L3MBTL4: variants seen among roughly 807,000 people sequenced by gnomAD.
The protein encoded by L3MBTL4 is lethal(3)malignant brain tumor-like protein 4.
In L3MBTL4, 70 loss-of-function variants were observed where a neutral mutation model predicts 84.5. The ratio of observed to expected loss-of-function variants is 0.83; its 90% CI spans 0.68 to 1.01. L3MBTL4 has a LOEUF of 1.01. Ranked by LOEUF, L3MBTL4 falls within the 50% of genes least tolerant of loss-of-function variation. The probability of loss-of-function intolerance (pLI) is 0.00; values close to 1 mark genes in which losing one functional copy is unlikely to be tolerated. For missense variants in L3MBTL4, 715 were observed against 754.8 expected, an observed-to-expected ratio of 0.95 and a Z score of 0.62; for synonymous variants, 274 against 259.8, an observed-to-expected ratio of 1.05 and a Z score of -0.52.
At chr18:6,128,427 A>G (rs2059771677) in intron 14 of L3MBTL4, among the ~76,000 whole-genome samples, 1 of 152,164 alleles carries the variant, frequency 6.6e-6, no homozygotes, top group African/African-American at 2.4e-5. Flanking sequence ...TCAAGTCACC[A>G]GGGATAAATT....
intron 16 of L3MBTL4, among the ~76,000 whole-genome samples, chr18:6,076,165 C>T (rs1205963326): frequency 6.6e-6 from 1 of 152,206 alleles, no homozygotes; most frequent in Non-Finnish European, 1.5e-5. Context: ...AATGCATACA[C>T]ATATCTACCA....
At chr18:6,013,197 AG>A (rs2054814125) in intron 16 of L3MBTL4, among the ~76,000 whole-genome samples, 2 of 152,174 alleles carry the variant, frequency 1.3e-5, no homozygotes, top group African/African-American at 4.8e-5. Context: ...GAGGACCTAG[AG>A]GCAGGCACTG....
intron 12 of L3MBTL4, among the ~76,000 whole-genome samples, chr18:6,206,271 G>C (rs2045871673): frequency 6.6e-6 from 1 of 152,172 alleles, no homozygotes; most frequent in African/African-American, 2.4e-5. Context: ...GCATCCCTCA[G>C]ACACTCAAAG....
At chr18:6,356,482 A>G (rs545931980) in intron 1 of L3MBTL4, among the ~76,000 whole-genome samples, 7 of 152,360 alleles carry the variant, frequency 4.6e-5, no homozygotes, top group Non-Finnish European at 1.0e-4. Flanking sequence ...CGTTATTAGC[A>G]TAAACATCAT....
intron 16 of L3MBTL4, among the ~76,000 whole-genome samples, chr18:6,024,124 G>A (rs1249280564): frequency 6.6e-6 from 1 of 152,128 alleles, no homozygotes; most frequent in African/African-American, 2.4e-5. Flanking sequence ...TGATCCGCCC[G>A]CCTCAGCCTC....
chr18:6,325,747 T>G (rs2051682522), intron 1 of L3MBTL4, among the ~76,000 whole-genome samples: 1 of 152,180 alleles, frequency 6.6e-6, no homozygotes, highest in Non-Finnish European at 1.5e-5. Flanking sequence ...ACTTACATAT[T>G]GAAATATGTA....
chr18:6,005,116 G>T (rs1424099534), intron 16 of L3MBTL4, among the ~76,000 whole-genome samples: 1 of 149,544 alleles, frequency 6.7e-6, no homozygotes, highest in Non-Finnish European at 1.5e-5. Context: ...GGCTGAGGTG[G>T]GTGGATAACT....
At chr18:6,200,607 A>G (rs748581862) in intron 12 of L3MBTL4, among the ~76,000 whole-genome samples, 8 of 152,200 alleles carry the variant, frequency 5.3e-5, no homozygotes, top group Non-Finnish European at 1.0e-4. Flanking sequence ...TTATTAGTAT[A>G]ATGGCCTCAT....
At chr18:6,298,106 A>G (rs1184882708) in intron 4 of L3MBTL4, among the ~76,000 whole-genome samples, 2 of 152,226 alleles carry the variant, frequency 1.3e-5, no homozygotes, top group South Asian at 2.1e-4. Flanking sequence ...TACTGTCGGT[A>G]TGTCCTCCAA....
At chr18:5,986,285 C>G (rs1395943487) in intron 16 of L3MBTL4, among the ~76,000 whole-genome samples, 4 of 152,138 alleles carry the variant, frequency 2.6e-5, no homozygotes, top group Non-Finnish European at 4.4e-5. Context: ...ATACCATGTT[C>G]CCATGTTCAA....
At chr18:6,129,527 CTGAG>C (rs1283287673) in intron 14 of L3MBTL4, among the ~76,000 whole-genome samples, 1 of 151,994 alleles carries the variant, frequency 6.6e-6, no homozygotes, top group East Asian at 1.9e-4. Context: ...TTATTTCTTA[CTGAG>C]TAAGGTATAG....
chr18:5,993,902 C>T (rs1164162581), intron 16 of L3MBTL4, among the ~76,000 whole-genome samples: 3 of 152,112 alleles, frequency 2.0e-5, no homozygotes, highest in Non-Finnish European at 4.4e-5. Context: ...CATGTTTTTG[C>T]ACTAAGTTTT....
intron 10 of L3MBTL4, among the ~76,000 whole-genome samples, chr18:6,221,750 C>T (rs1369544117): frequency 6.6e-6 from 1 of 152,144 alleles, no homozygotes; most frequent in Non-Finnish European, 1.5e-5. Flanking sequence ...ATTTTAAGAA[C>T]CTGAATTATA....
At chr18:6,151,540 G>A (rs1388584013) in intron 13 of L3MBTL4, among the ~76,000 whole-genome samples, 7 of 151,898 alleles carry the variant, frequency 4.6e-5, no homozygotes, top group Non-Finnish European at 1.0e-4. Flanking sequence ...TTACAGGCAC[G>A]CGCCACCAGG....
At chr18:6,186,634 G>T (rs1478320656) in intron 12 of L3MBTL4, among the ~76,000 whole-genome samples, 1 of 152,198 alleles carries the variant, frequency 6.6e-6, no homozygotes, top group Non-Finnish European at 1.5e-5. Context: ...CAGGAGGCAA[G>T]GCCACTGGTG....
At chr18:6,211,541 C>T (rs534034473) in intron 12 of L3MBTL4, among the ~76,000 whole-genome samples, 40 of 152,102 alleles carry the variant, frequency 2.6e-4, no homozygotes, top group African/African-American at 8.9e-4. Context: ...AATGATCAAT[C>T]GATGCTACAG....
intron 5 of L3MBTL4, among the ~76,000 whole-genome samples, chr18:6,247,747 G>A (rs111452468): frequency 0.047 from 7,087 of 149,434 alleles, 563 homozygotes; most frequent in African/African-American, 0.17. Flanking sequence ...CACCTGCCTC[G>A]GTCTCCCAAA....
rs574954571 is a variant in L3MBTL4 at position 6,043,111 on chromosome 18, T to C, written c.1444+37770A>G. On this transcript the variant is annotated intron_variant, in intron 16 of 18. Coordinates refer to ENST00000317931, the MANE Select transcript of L3MBTL4 (RefSeq NM_001330559.2). ...GTCCTGTTGATGCTCACCTCTGAAA[T>C]ACATCTTGAATGTATCCTCTTCATC... 1.6e-3 allele frequency among the ~76,000 whole-genome samples: 240 copies of C among 152,302 alleles called. 1 individual carries two copies. Among genetic ancestry groups the C allele is most frequent in the Non-Finnish European group, 2.7e-3 (184 of 68,022 alleles).
At chr18:6,045,327 G>A (rs1219664960) in intron 16 of L3MBTL4, among the ~76,000 whole-genome samples, 1 of 152,186 alleles carries the variant, frequency 6.6e-6, no homozygotes, top group South Asian at 2.1e-4. Context: ...TTCCATATAA[G>A]CAACTGCTAA....
Sources: gnomAD v4.1 joint callset for allele counts (sites outside exome capture counted in the v4.1 genomes callset) on GRCh38, gnomAD v4.1.1 for gene constraint, MANE v1.5 for transcripts, NCBI Gene and HGNC (gene_info 2026-07-23, HGNC 2026-07-21) for gene names.